The following ABLIM1 variants were observed in gnomAD, a reference collection of about 807,000 sequenced individuals.
The protein encoded by ABLIM1 is actin binding LIM protein 1.
A neutral mutation model predicts 107.0 loss-of-function variants in ABLIM1; 40 were observed. That is an observed-to-expected ratio of 0.37 (90% CI 0.29 to 0.49). The LOEUF is 0.49. ABLIM1 is among the 20% of genes least tolerant of loss of function. The pLI, the probability that ABLIM1 is intolerant of heterozygous loss-of-function variation, is 0.97. For missense variants in ABLIM1, 857 were observed against 1,008.5 expected, an observed-to-expected ratio of 0.85 and a Z score of 2.04; for synonymous variants, 357 against 357.3, an observed-to-expected ratio of 1.00 and a Z score of 0.01.
In ABLIM1 at chr10:114,547,688, C is replaced by T; in HGVS notation, c.762G>A (p.Lys254=). 6.2e-7 allele frequency: 1 copy of T among 1,613,848 alleles called. No individual in the cohort carries two copies. The part of the protein sequence containing the change: ...KQWHLGCFKC[K]SCGKVLTGEY... ...CCCCGGTGAGGACCTTCCCGCAGGA[C>T]TTGCATTTAAAGCACCCCAAGTGCC... The change falls in exon 5 of 23, where the codon AAG becomes AAA. Residue 254 remains lysine (K), a synonymous_variant. Transcript: ENST00000533213.
chr10:114,471,508 C>A (rs898390249), intron 10 of ABLIM1, among the ~76,000 whole-genome samples: 3 of 152,234 alleles, frequency 2.0e-5, no homozygotes, highest in African/African-American at 7.2e-5. Context: ...AATGCACCTG[C>A]GCTTGAGAGC....
At chr10:114,516,561 A>C (rs1268593527) in intron 6 of ABLIM1, among the ~76,000 whole-genome samples, 2 of 152,188 alleles carry the variant, frequency 1.3e-5, no homozygotes, top group East Asian at 3.8e-4. Context: ...TTTCGCATCC[A>C]AGTACCCTGT....
intron 6 of ABLIM1, among the ~76,000 whole-genome samples, chr10:114,528,389 C>T (rs1435856426): frequency 6.6e-6 from 1 of 152,154 alleles, no homozygotes; most frequent in Non-Finnish European, 1.5e-5. Context: ...TCTCTCTAAG[C>T]TGGTTTGGAA....
chr10:114,801,043 A>T, the ABLIM1 span, among the ~76,000 whole-genome samples: 1 of 152,264 alleles, frequency 6.6e-6, no homozygotes, highest in Non-Finnish European at 1.5e-5. Context: ...CAGTTGATTA[A>T]CACACATTTT....
chr10:114,442,298 A>G (rs1339223238), intron 17 of ABLIM1, among the ~76,000 whole-genome samples: 2 of 152,212 alleles, frequency 1.3e-5, no homozygotes, highest in Non-Finnish European at 2.9e-5. Context: ...AAGATCTACC[A>G]GCCATCTACA....
chr10:114,514,789 G>C (rs2062547173), intron 6 of ABLIM1, among the ~76,000 whole-genome samples: 1 of 152,214 alleles, frequency 6.6e-6, no homozygotes. Context: ...CCATTTAGCA[G>C]AAGTTAAGAC....
chr10:114,530,497 G>T (rs1259982033), intron 6 of ABLIM1, among the ~76,000 whole-genome samples: 1 of 151,992 alleles, frequency 6.6e-6, no homozygotes. Context: ...AATCACTTGG[G>T]CCTTTATTTC....
At chr10:114,753,130 G>A (rs1475082028) in intron 1 of ABLIM1, among the ~76,000 whole-genome samples, 1 of 152,064 alleles carries the variant, frequency 6.6e-6, no homozygotes, top group Non-Finnish European at 1.5e-5. Flanking sequence ...TTTTTCTCTG[G>A]TATAGAAATG....
chr10:114,443,721 T>A (rs1236098969), intron 17 of ABLIM1, among the ~76,000 whole-genome samples: 1 of 151,846 alleles, frequency 6.6e-6, no homozygotes, highest in African/African-American at 2.4e-5. Flanking sequence ...TCATGTTTTT[T>A]AGAGGATTTC....
At chr10:114,761,300 G>A (rs2082740535) in intron 1 of ABLIM1, among the ~76,000 whole-genome samples, 1 of 149,180 alleles carries the variant, frequency 6.7e-6, no homozygotes, top group Non-Finnish European at 1.5e-5. Flanking sequence ...GATTCCTATT[G>A]TCCCTCCGCC....
chr10:114,547,748 C>T lies in ABLIM1; in HGVS notation c.702G>A (p.Lys234=), dbSNP rs761002525. The T allele has an allele frequency of 2.5e-5, 40 of 1,611,208 alleles. No homozygotes were observed. In the East Asian group the frequency reaches 8.5e-4, roughly 34 times the overall value. The change falls in exon 5 of 23, where the codon AAG becomes AAA. Residue 234 remains lysine, a synonymous_variant. Coordinates refer to ENST00000533213, the MANE Select transcript of ABLIM1 (RefSeq NM_002313.7). The part of the protein sequence containing the change: ...SNCAGCGRDI[K]NGQALLALDK... ...CCAGCGCCAGCAGCGCCTGCCCATT[C>T]TTGATATCTCTTCCGCAGCCGGCAC... is the stretch of plus-strand genomic sequence containing the variant.
At chr10:114,533,213 C>T (rs150304356) in intron 6 of ABLIM1, among the ~76,000 whole-genome samples, 60 of 151,982 alleles carry the variant, frequency 3.9e-4, no homozygotes, top group African/African-American at 1.3e-3. Context: ...TGGTGGTACG[C>T]GCCTGTAATC....
rs1055798781 is a variant in ABLIM1 at position 114,629,197 on chromosome 10, G to A, written c.245-27236C>T. Among the ~76,000 whole-genome samples, 2 of 152,134 alleles carry A rather than the reference G, an allele frequency of 1.3e-5. No homozygotes were observed. On this transcript the variant is annotated intron_variant, in intron 1 of 22. Transcript: ENST00000533213. The surrounding 1 kb of genome is among the most constrained non-coding windows in gnomAD (Gnocchi z 4.0). ...TTTCTCTCCTGCCCATGTCAGCCCC[G>A]AACCAGGTATTTTATCCTAGAGAGA...
In ABLIM1 at chr10:114,754,645, T is replaced by C. The variant is rs149331995; in HGVS notation, c.-213+13416A>G. ...CAAGGCTCTGATGTAATCAAAGGAA[T>C]TCAGAGAACCAGGGCAGGCTAATCT... is the stretch of plus-strand genomic sequence containing the variant. On this transcript the variant is annotated intron_variant, in intron 1 of 15. Transcript: ENST00000651092. Among the ~76,000 whole-genome samples the C allele has an allele frequency of 3.9e-3, 589 of 152,284 alleles. 5 individuals carry two copies. Among genetic ancestry groups the C allele is most frequent in the African/African-American group, 0.013 (554 of 41,554 alleles).
intron 4 of ABLIM1, among the ~76,000 whole-genome samples, chr10:114,552,340 G>A (rs1328004929): frequency 6.6e-6 from 1 of 152,136 alleles, no homozygotes; most frequent in Non-Finnish European, 1.5e-5. Context: ...CCAAATCACT[G>A]AAGCAGCTGC....
chr10:114,442,835 A>T (rs934357806), intron 17 of ABLIM1, among the ~76,000 whole-genome samples: 5 of 123,810 alleles, frequency 4.0e-5, no homozygotes, highest in African/African-American at 1.1e-4. Flanking sequence ...CATGGAGTGA[A>T]CATTAAATGC....
At chr10:114,798,827 C>T in the ABLIM1 span, among the ~76,000 whole-genome samples, 2 of 151,758 alleles carry the variant, frequency 1.3e-5, no homozygotes, top group Admixed American at 1.3e-4. Context: ...GACGGAGTCT[C>T]GCTCTGTCGC....
chr10:114,498,745 C>T (rs2060012231), intron 6 of ABLIM1, among the ~76,000 whole-genome samples: 1 of 152,110 alleles, frequency 6.6e-6, no homozygotes, highest in African/African-American at 2.4e-5. Flanking sequence ...TTCAAAAGAC[C>T]CAAGCTCAGG....
At chr10:114,478,088 T>C (rs1286630687) in intron 8 of ABLIM1, among the ~76,000 whole-genome samples, 4 of 152,178 alleles carry the variant, frequency 2.6e-5, no homozygotes, top group Admixed American at 6.5e-5. Context: ...GAAACATTTA[T>C]CTTTTTTTAT....
Sources: gnomAD v4.1 joint callset for allele counts (sites outside exome capture counted in the v4.1 genomes callset) on GRCh38, gnomAD v4.1.1 for gene constraint, Gnocchi (gnomAD v3.1) non-coding constraint, MANE v1.5 for transcripts, NCBI Gene and HGNC (gene_info 2026-07-23, HGNC 2026-07-21) for gene names.